The following TMEM217B variants were observed in gnomAD, a reference collection of about 807,000 sequenced individuals.
TMEM217B encodes the protein transmembrane protein 217B.
the TMEM217B span, among the ~76,000 whole-genome samples, chr6:37,227,366 C>T: frequency 6.6e-6 from 1 of 152,162 alleles, no homozygotes; most frequent in Non-Finnish European, 1.5e-5. Context: ...AGTTCTTCTC[C>T]TTCCTTCCCA....
At chr6:37,228,096 G>A in the TMEM217B span, among the ~76,000 whole-genome samples, 3 of 152,130 alleles carry the variant, frequency 2.0e-5, no homozygotes, top group Non-Finnish European at 4.4e-5. Context: ...GTGAGGTTGA[G>A]GGGTATGAAG....
the TMEM217B span, among the ~76,000 whole-genome samples, chr6:37,227,594 A>C: frequency 1.3e-5 from 2 of 151,840 alleles, no homozygotes; most frequent in African/African-American, 2.4e-5. Context: ...CTACAGGCGC[A>C]CACCACCATG....
the TMEM217B span, among the ~76,000 whole-genome samples, chr6:37,230,153 G>C: frequency 6.6e-6 from 1 of 152,174 alleles, no homozygotes; most frequent in African/African-American, 2.4e-5. Flanking sequence ...TCCTTCTCAC[G>C]CTTGGAATTT....
At chr6:37,212,329 G>T in the TMEM217B span, 30 of 356,792 alleles carry the variant, frequency 8.4e-5, no homozygotes, top group South Asian at 5.4e-4. Flanking sequence ...AAACCAAGCA[G>T]CATCAACAGA....
chr6:37,218,394 C>A, the TMEM217B span: 2 of 1,516,960 alleles, frequency 1.3e-6, no homozygotes, highest in South Asian at 2.4e-5. Flanking sequence ...CCAGGCTGGT[C>A]TTGAACTCCT....
the TMEM217B span, chr6:37,213,003 GA>G: frequency 2.6e-6 from 4 of 1,528,644 alleles, no homozygotes; most frequent in Non-Finnish European, 3.5e-6. Flanking sequence ...CCTCCTGCAG[GA>G]AGAAAATCAT....
chr6:37,212,643 C>T, the TMEM217B span: 1 of 541,204 alleles, frequency 1.8e-6, no homozygotes, highest in Non-Finnish European at 3.6e-6. Context: ...CTTTGATGAT[C>T]CCGTTGAGGA....
chr6:37,235,374 A>AT, the TMEM217B span, among the ~76,000 whole-genome samples: 554 of 151,232 alleles, frequency 3.7e-3, 3 homozygotes, highest in African/African-American at 0.012. Context: ...TTTTATTATT[A>AT]TTTTTTTTTG....
the TMEM217B span, chr6:37,218,455 G>T: frequency 8.7e-6 from 14 of 1,612,138 alleles, no homozygotes; most frequent in Non-Finnish European, 9.3e-6. Context: ...GGGATTCCAG[G>T]TGTGAGCCAC....
At chr6:37,253,865 A>G in the TMEM217B span, among the ~76,000 whole-genome samples, 1 of 152,256 alleles carries the variant, frequency 6.6e-6, no homozygotes, top group African/African-American at 2.4e-5. Context: ...TCTCTTTCAT[A>G]AAACTTTCTC....
chr6:37,222,215 G>A, the TMEM217B span, among the ~76,000 whole-genome samples: 97 of 152,330 alleles, frequency 6.4e-4, no homozygotes, highest in Middle Eastern at 0.01. Context: ...AGGACTGGCG[G>A]CCTGGCCCCA....
At chr6:37,258,015 C>A in the TMEM217B span, 4 of 1,605,114 alleles carry the variant, frequency 2.5e-6, no homozygotes, top group African/African-American at 2.7e-5. Flanking sequence ...TTGGACCAAA[C>A]CCTTCCAGAT....
chr6:37,251,326 A>G, the TMEM217B span, among the ~76,000 whole-genome samples: 1 of 152,282 alleles, frequency 6.6e-6, no homozygotes, highest in Non-Finnish European at 1.5e-5. Context: ...ATATTTTGTT[A>G]TAGCAGCCTG....
chr6:37,232,759 G>A, the TMEM217B span, among the ~76,000 whole-genome samples: 7 of 152,124 alleles, frequency 4.6e-5, 1 homozygote, highest in South Asian at 4.2e-4. Context: ...CCTGCCCTCC[G>A]CGGAATCTTC....
chr6:37,236,954 C>T, the TMEM217B span, among the ~76,000 whole-genome samples: 1 of 152,300 alleles, frequency 6.6e-6, no homozygotes, highest in East Asian at 1.9e-4. Context: ...TCTCCATGGT[C>T]TCTCTGTGTG....
the TMEM217B span, among the ~76,000 whole-genome samples, chr6:37,244,063 T>G: frequency 6.6e-6 from 1 of 152,240 alleles, no homozygotes; most frequent in Non-Finnish European, 1.5e-5. Flanking sequence ...CAGTGGCTGG[T>G]TATCATTTAA....
chr6:37,252,217 GA>G, the TMEM217B span, among the ~76,000 whole-genome samples: 2 of 152,102 alleles, frequency 1.3e-5, no homozygotes, highest in African/African-American at 4.8e-5. Context: ...TTTAATTGTT[GA>G]AAAACTTGAA....
chr6:37,233,171 TG>T, the TMEM217B span, among the ~76,000 whole-genome samples: 2 of 151,690 alleles, frequency 1.3e-5, no homozygotes, highest in African/African-American at 4.8e-5. Flanking sequence ...ACTGTTTCTC[TG>T]GTCTTTCTTA....
At chr6:37,253,485 C>T in the TMEM217B span, among the ~76,000 whole-genome samples, 2 of 152,080 alleles carry the variant, frequency 1.3e-5, no homozygotes, top group Admixed American at 1.3e-4. Context: ...TTGCTTATCC[C>T]CTTGCCTTCT....
Sources: allele counts gnomAD v4.1 joint callset (sites outside exome capture counted in the v4.1 genomes callset), GRCh38; gene constraint gnomAD v4.1.1; transcripts MANE v1.5; gene names NCBI Gene and HGNC (gene_info 2026-07-23, HGNC 2026-07-21).